Variants in UBN2 observed in about 807,000 individuals in gnomAD.
The protein encoded by UBN2 is ubinuclein-2.
A neutral mutation model predicts 120.2 loss-of-function variants in UBN2; 35 were observed. The observed-to-expected ratio is 0.29, with a 90% CI of 0.22 to 0.39. The LOEUF (loss-of-function observed/expected upper bound fraction) is 0.39, where lower values mean the gene tolerates loss of function less well. UBN2 is among the 10% of genes least tolerant of loss of function. The pLI is 1.00. For missense variants in UBN2, 1,693 were observed against 1,663.2 expected (o/e 1.02, Z -0.31); for synonymous variants, 661 against 648.7 (o/e 1.02, Z -0.29).
At chr7:139,310,916 A>G (rs1386971420), downstream of UBN2, among the ~76,000 whole-genome samples, 5 of 152,124 alleles carry the variant, frequency 3.3e-5, no homozygotes, top group Non-Finnish European at 5.9e-5. Context: ...TTGTGATATC[A>G]CTTATTGATG....
At chr7:139,278,450 A>G (rs1797511469) in intron 12 of UBN2, among the ~76,000 whole-genome samples, 1 of 152,134 alleles carries the variant, frequency 6.6e-6, no homozygotes. Flanking sequence ...AAGTGCTAGC[A>G]TTACAGGCAT....
rs1373312363 is a variant in UBN2, at chr7:139,284,363, C to T, written c.3458C>T (p.Ser1153Leu). The change falls in exon 15 of 18, where the codon TCA (serine) becomes TTA (leucine). Residue 1153 changes from serine (S) to leucine (L), a missense_variant. Ser to Leu is a moderately radical substitution (Grantham distance 145, BLOSUM62 -2). Transcript: ENST00000473989. ...LQAPSKLTNS[S>L]STGTVGKNSL... is the part of the protein sequence containing the mutation. ...GCCCCCTCAAAGCTAACAAACTCATCATCCACTGGAACTGTTGGGAAGAAC... is the reference window on the plus strand; with the variant it reads ...GCCCCCTCAAAGCTAACAAACTCATTATCCACTGGAACTGTTGGGAAGAAC... The T allele has an allele frequency of 6.2e-7, 1 of 1,614,094 alleles. No individual in the cohort carries two copies. Among genetic ancestry groups the T allele is most frequent in the East Asian group, 2.2e-5 (1 of 44,904 alleles).
At chr7:139,295,019 T>A (rs1798070152) in intron 17 of UBN2, among the ~76,000 whole-genome samples, 1 of 152,154 alleles carries the variant, frequency 6.6e-6, no homozygotes, top group Non-Finnish European at 1.5e-5. Context: ...TGAAGCCCAT[T>A]TTCAGGATCT....
At chr7:139,296,557 C>G (rs915582855) in intron 17 of UBN2, among the ~76,000 whole-genome samples, 2 of 152,168 alleles carry the variant, frequency 1.3e-5, no homozygotes, top group African/African-American at 4.8e-5. Flanking sequence ...AAGGCCATGA[C>G]CTGTTGGAGA....
chr7:139,236,242 C>T (rs1314197503), intron 1 of UBN2, among the ~76,000 whole-genome samples: 5 of 152,082 alleles, frequency 3.3e-5, no homozygotes, highest in Non-Finnish European at 7.4e-5. Context: ...TTATAATAAA[C>T]TTTCACTCTC....
chr7:139,323,428 G>A, the UBN2 span, among the ~76,000 whole-genome samples: 1 of 152,040 alleles, frequency 6.6e-6, no homozygotes, highest in Non-Finnish European at 1.5e-5. Context: ...CTGCCCTGAG[G>A]TTCACAGCAT....
chr7:139,269,322 T>G, intron 7 of UBN2, 72 bp from the exon 8 acceptor site: 3 of 1,448,868 alleles, frequency 2.1e-6, no homozygotes. Flanking sequence ...GAACTGGCTT[T>G]GCTTTCTTGT....
At chr7:139,295,164 G>T (rs1451029719) in intron 17 of UBN2, among the ~76,000 whole-genome samples, 1 of 151,948 alleles carries the variant, frequency 6.6e-6, no homozygotes, top group Admixed American at 6.6e-5. Context: ...TGCAGAGATG[G>T]GAACTGAGGG....
chr7:139,242,687 T>G (rs1246110741), intron 2 of UBN2, among the ~76,000 whole-genome samples: 1 of 152,236 alleles, frequency 6.6e-6, no homozygotes, highest in Non-Finnish European at 1.5e-5. Flanking sequence ...TTGAATTGAA[T>G]AAATTCTCTT....
At chr7:139,275,277 C>CAA (rs758714682) in intron 11 of UBN2, among the ~76,000 whole-genome samples, 542 of 44,696 alleles carry the variant, frequency 0.012, 7 homozygotes, top group African/African-American at 0.04. Context: ...AACTCTGTCT[C>CAA]AAAAAAAAAA....
At chr7:139,280,257 C>T (rs191921096) in intron 13 of UBN2, among the ~76,000 whole-genome samples, 27 of 152,022 alleles carry the variant, frequency 1.8e-4, no homozygotes, top group Middle Eastern at 3.4e-3. Context: ...ATCCCTAAGA[C>T]GGACAAGTAG....
At chr7:139,327,391 G>A in the UBN2 span, among the ~76,000 whole-genome samples, 2 of 152,210 alleles carry the variant, frequency 1.3e-5, no homozygotes, top group Non-Finnish European at 2.9e-5. Context: ...TACTATCACA[G>A]AATACCGCAG....
chr7:139,257,460 G>T (rs1434827579), intron 3 of UBN2, among the ~76,000 whole-genome samples: 4 of 152,048 alleles, frequency 2.6e-5, no homozygotes, highest in Non-Finnish European at 4.4e-5. Context: ...CCAGTCTGGA[G>T]TGCAGTGGTA....
intron 2 of UBN2, among the ~76,000 whole-genome samples, chr7:139,245,097 CT>C (rs537219130): frequency 7.3e-4 from 73 of 100,324 alleles, no homozygotes; most frequent in Middle Eastern, 6.0e-3. Context: ...CCATGCCCAG[CT>C]TTTTTTTTTT....
In UBN2 at chr7:139,254,342, A is replaced by G. The variant is rs17611384; in HGVS notation, c.663+2285A>G. On this transcript the variant is annotated intron_variant, in intron 3 of 17. Coordinates refer to ENST00000473989, the MANE Select transcript of UBN2 (RefSeq NM_173569.4). Reference sequence around the variant, plus strand: ...CTGTCCCGACATAAACTTATTTACCATACTAGGCAGTCTGGTCTGTAGAAG... The same window carrying G: ...CTGTCCCGACATAAACTTATTTACCGTACTAGGCAGTCTGGTCTGTAGAAG... 5.6e-3 allele frequency among the ~76,000 whole-genome samples: 856 copies of G among 152,290 alleles called. 2 individuals carry two copies. The highest frequency in any genetic ancestry group is 0.01 in the Admixed American group (154 of 15,296).
intron 15 of UBN2, among the ~76,000 whole-genome samples, chr7:139,285,123 G>T (rs932821526): frequency 1.3e-5 from 2 of 152,036 alleles, no homozygotes; most frequent in Admixed American, 6.6e-5. Flanking sequence ...ATTAGTGTCA[G>T]TCGCCCTTTT....
intron 7 of UBN2, among the ~76,000 whole-genome samples, chr7:139,267,548 AAGAG>A (rs907537487): frequency 4.6e-5 from 7 of 151,922 alleles, no homozygotes; most frequent in South Asian, 4.1e-4. Flanking sequence ...AAAAAAAAAA[AAGAG>A]AGAAAGAGAG....
Position 139,304,540 on chromosome 7 carries a change from A to C in UBN2, c.*6704A>C, listed in dbSNP as rs1372658024. 3 of 151,968 alleles carry C rather than the reference A, an allele frequency of 2.0e-5. No individual in the cohort carries two copies. Among genetic ancestry groups the C allele is most frequent in the Admixed American group, 1.3e-4 (2 of 15,248 alleles). 9.4% of individuals were successfully genotyped at this position (151,968 alleles called of 1,614,324 possible). A position where few individuals can be genotyped will look rare whatever the true frequency, so the allele number is the denominator to read the frequency against. ...CAACGATTGTTGGAGTGTGTGTGTAAATTTAAATTGTAGCACATATTCAGG... is the reference window on the plus strand; with the variant it reads ...CAACGATTGTTGGAGTGTGTGTGTACATTTAAATTGTAGCACATATTCAGG... On this transcript the variant is annotated 3_prime_UTR_variant, in exon 18 of 18. Coordinates refer to ENST00000473989, the MANE Select transcript of UBN2 (RefSeq NM_173569.4).
chr7:139,296,229 G>A lies in UBN2; in HGVS notation c.3995-1558G>A, dbSNP rs534363785. ...AAGGTCAGTAAAATTTTTCTATAAA[G>A]GGCCAAATAGTAAATATGTTAGGCT... On this transcript the variant is annotated intron_variant, in intron 17 of 17. Coordinates refer to ENST00000473989, the MANE Select transcript of UBN2 (RefSeq NM_173569.4). 5.9e-5 allele frequency among the ~76,000 whole-genome samples: 9 copies of A among 152,244 alleles called. No homozygotes were observed. In the South Asian group the frequency reaches 1.9e-3, roughly 32 times the overall value.
Sources: gnomAD v4.1 joint callset for allele counts (sites outside exome capture counted in the v4.1 genomes callset) on GRCh38, gnomAD v4.1.1 for gene constraint, MANE v1.5 for transcripts, NCBI Gene and HGNC (gene_info 2026-07-23, HGNC 2026-07-21) for gene names.